DISC1: variants seen among roughly 807,000 people sequenced by gnomAD.
The protein encoded by DISC1 is DISC1 scaffold protein.
DISC1 carries 57 observed loss-of-function variants against 84.5 expected under a neutral mutation model. The observed-to-expected ratio is 0.67, with a 90% CI of 0.55 to 0.84. The LOEUF is 0.84. Among genes scored for constraint, DISC1 ranks in the 40% least tolerant of loss-of-function variants. The probability of loss-of-function intolerance (pLI) is 0.00; values close to 1 mark genes in which losing one functional copy is unlikely to be tolerated. For synonymous variants in DISC1, 411 were observed against 415.2 expected (o/e 0.99, Z 0.12); for missense variants, 1,000 against 1,057.8 (o/e 0.95, Z 0.76).
chr1:231,874,198 A>G (rs2085683471), intron 9 of DISC1, among the ~76,000 whole-genome samples: 1 of 149,382 alleles, frequency 6.7e-6, no homozygotes, highest in African/African-American at 2.5e-5. Flanking sequence ...TCACTCTGTC[A>G]CCAGGCTGGA....
intron 1 of DISC1, among the ~76,000 whole-genome samples, chr1:231,665,181 G>A (rs1196250374): frequency 6.6e-6 from 1 of 152,186 alleles, no homozygotes; most frequent in East Asian, 1.9e-4. Flanking sequence ...CATTGCTATT[G>A]TGGTGAGCTC....
intron 6 of DISC1, chr1:231,771,748 C>T (rs952783316): frequency 1.5e-5 from 3 of 205,864 alleles, no homozygotes; most frequent in African/African-American, 7.1e-5. Context: ...AGAATCATCC[C>T]TGTATTCTGT....
At chr1:231,746,623 TA>T (rs1334202856) in intron 3 of DISC1, among the ~76,000 whole-genome samples, 14 of 152,364 alleles carry the variant, frequency 9.2e-5, no homozygotes, top group South Asian at 6.2e-4. Context: ...CTGTTTATTT[TA>T]TTTTTTTGTC....
chr1:231,761,384 A>G (rs984048059), intron 4 of DISC1, among the ~76,000 whole-genome samples: 1 of 152,186 alleles, frequency 6.6e-6, no homozygotes, highest in Non-Finnish European at 1.5e-5. Flanking sequence ...AGGAAGCCTG[A>G]CTCAGAGGAC....
In DISC1 at chr1:232,009,374, T is replaced by C; in HGVS notation, c.2307+325T>C. 2.4e-6 allele frequency: 2 copies of C among 834,766 alleles called. No homozygotes were observed. The highest frequency in any genetic ancestry group is 3.0e-6 in the Non-Finnish European group (2 of 674,742). 51.7% of individuals were successfully genotyped at this position (834,766 alleles called of 1,614,324 possible). ...ATATATGTCATATATAATATAGTTA[T>C]TATATTCACTATAGATTATATATGC... On this transcript the variant is annotated intron_variant, in intron 11 of 12. Transcript: ENST00000439617. The surrounding 1 kb of genome is among the most constrained non-coding windows in gnomAD (Gnocchi z 4.6).
In DISC1 at chr1:231,722,528, C is replaced by A. The variant is rs1319923189; in HGVS notation, c.1117+20504C>A. ...CATTCCACTCAGAGGTATTCATTTT[C>A]TTCTTGGCAGCTGGAACCAATTGCT... On this transcript the variant is annotated intron_variant, in intron 3 of 12. Coordinates refer to ENST00000439617, the MANE Select transcript of DISC1 (RefSeq NM_018662.3). The A allele has an allele frequency of 4.3e-6, 7 of 1,614,042 alleles. No individual in the cohort carries two copies. The African/African-American group carries it at 6.7e-5, about 15-fold the overall frequency.
At chr1:231,663,475 T>G (rs1049702265) in intron 1 of DISC1, among the ~76,000 whole-genome samples, 8 of 152,202 alleles carry the variant, frequency 5.3e-5, no homozygotes, top group African/African-American at 1.9e-4. Context: ...TCCTGTTTCC[T>G]GCTGGCATTT....
At chr1:231,879,400 A>T (rs892213308) in intron 9 of DISC1, among the ~76,000 whole-genome samples, 3 of 151,990 alleles carry the variant, frequency 2.0e-5, no homozygotes, top group African/African-American at 7.2e-5. Flanking sequence ...CAAAGTGGCC[A>T]TTTCAATTTG....
chr1:231,912,653 G>C (rs1002753345), intron 9 of DISC1, among the ~76,000 whole-genome samples: 13 of 152,192 alleles, frequency 8.5e-5, no homozygotes, highest in Admixed American at 2.0e-4. Context: ...GAGGCAGTCT[G>C]TCTGTTCTCA....
Position 231,694,630 on chromosome 1 carries a change from T to C in DISC1, c.872T>C (p.Met291Thr). ...AACAGCTCCAGGCCAGAGCGTGACA[T>C]GCATTCTTTACCAGACATGGACCCT... ...ARNSSRPERD[M>T]HSLPDMDPGS... is the part of the protein sequence containing the mutation. The change falls in exon 2 of 13, where the codon ATG becomes ACG. Residue 291 changes from methionine to threonine, a missense_variant. By Grantham distance (81) the Met-to-Thr change is moderately conservative. This residue lies in a region of DISC1 where 311 missense variants were observed against 400.1 expected (regional missense o/e 0.78). Transcript: ENST00000439617. The C allele has an allele frequency of 1.9e-6, 3 of 1,614,252 alleles. No individual in the cohort carries two copies. Among genetic ancestry groups the C allele is most frequent in the Non-Finnish European group, 2.5e-6 (3 of 1,180,052 alleles).
chr1:231,902,518 T>C (rs529876882), intron 9 of DISC1, among the ~76,000 whole-genome samples: 169 of 152,070 alleles, frequency 1.1e-3, no homozygotes, highest in Middle Eastern at 3.4e-3. Context: ...GGAGAATCAC[T>C]TGAACCCAGC....
At chr1:231,853,950 A>C (rs2084079186) in intron 9 of DISC1, among the ~76,000 whole-genome samples, 1 of 152,210 alleles carries the variant, frequency 6.6e-6, no homozygotes, top group African/African-American at 2.4e-5. Context: ...CTAAACTGAC[A>C]ATAATAATCT....
At chr1:231,901,350 TA>T (rs1314555216) in intron 9 of DISC1, among the ~76,000 whole-genome samples, 1 of 152,242 alleles carries the variant, frequency 6.6e-6, no homozygotes, top group Non-Finnish European at 1.5e-5. Flanking sequence ...TAGAACATTC[TA>T]ATTTCACCAA....
intron 9 of DISC1, among the ~76,000 whole-genome samples, chr1:231,844,117 ATTG>A (rs2083279086): frequency 6.6e-6 from 1 of 152,060 alleles, no homozygotes. Context: ...AGGAGCACGG[ATTG>A]TTTTTGTTTG....
At chr1:231,903,068 A>AT (rs11410909) in intron 9 of DISC1, among the ~76,000 whole-genome samples, 45,850 of 134,970 alleles carry the variant, frequency 0.34, 7,478 homozygotes, top group Non-Finnish European at 0.37. Context: ...TCTCTCTCTC[A>AT]TTTTTTTTTT....
At chr1:231,836,559 C>T (rs774117040) in intron 9 of DISC1, among the ~76,000 whole-genome samples, 3 of 152,170 alleles carry the variant, frequency 2.0e-5, no homozygotes, top group East Asian at 1.9e-4. Flanking sequence ...TCTATGATTT[C>T]GGATTCAGGA....
intron 3 of DISC1, among the ~76,000 whole-genome samples, chr1:231,732,262 A>G (rs938908836): frequency 1.3e-5 from 2 of 152,240 alleles, no homozygotes; most frequent in East Asian, 1.9e-4. Flanking sequence ...TTTCTCATAC[A>G]TCGCATCATG....
intron 9 of DISC1, among the ~76,000 whole-genome samples, chr1:231,868,681 G>T (rs2085222434): frequency 7.4e-6 from 1 of 135,566 alleles, no homozygotes; most frequent in Non-Finnish European, 1.6e-5. Flanking sequence ...AACATAGCAA[G>T]ACCCCATCTC....
At chr1:231,668,981 A>G (rs2062297595) in intron 1 of DISC1, among the ~76,000 whole-genome samples, 1 of 152,014 alleles carries the variant, frequency 6.6e-6, no homozygotes, top group Non-Finnish European at 1.5e-5. Context: ...CAGTTTCTTC[A>G]CATGTTCCTT....
Sources: gnomAD v4.1 joint callset for allele counts (sites outside exome capture counted in the v4.1 genomes callset) on GRCh38, gnomAD v4.1.1 for gene constraint, gnomAD v4.1.1 regional missense constraint, Gnocchi (gnomAD v3.1) non-coding constraint, MANE v1.5 for transcripts, NCBI Gene and HGNC (gene_info 2026-07-23, HGNC 2026-07-21) for gene names.